The following AGPS variants were observed in gnomAD, a reference collection of about 807,000 sequenced individuals.
The protein encoded by AGPS is alkylglycerone phosphate synthase.
In AGPS, 26 loss-of-function variants were observed where a neutral mutation model predicts 90.7. That is an observed-to-expected ratio of 0.29 (90% CI 0.21 to 0.40). The LOEUF (loss-of-function observed/expected upper bound fraction) is 0.40, where lower values mean the gene tolerates loss of function less well. AGPS is among the 10% of genes least tolerant of loss of function. The pLI, the probability that AGPS is intolerant of heterozygous loss-of-function variation, is 1.00. For synonymous variants in AGPS, 294 were observed against 285.3 expected (o/e 1.03, Z -0.31); for missense variants, 540 against 816.1 (o/e 0.66, Z 4.12).
Position 177,541,982 on chromosome 2 carries a change from T to G in AGPS, c.*3787T>G, listed in dbSNP as rs1284725958. The G allele has an allele frequency of 2.0e-5, 3 of 152,296 alleles. No individual in the cohort carries two copies. The highest frequency in any genetic ancestry group is 7.2e-5 in the African/African-American group (3 of 41,566). 9.4% of individuals were successfully genotyped at this position (152,296 alleles called of 1,614,324 possible). The stretch of plus-strand genomic sequence containing the variant: ...CAGTGTGAAATTTAACTGTAAAAAC[T>G]ACTTGTAATGTCAAGAGATTATAGA... On this transcript the variant is annotated 3_prime_UTR_variant, in exon 20 of 20. Transcript: ENST00000264167.
chr2:177,470,931 C>T (rs951508085), intron 10 of AGPS, among the ~76,000 whole-genome samples: 3 of 151,924 alleles, frequency 2.0e-5, no homozygotes, highest in Non-Finnish European at 2.9e-5. Context: ...CCGGTGTCCT[C>T]AGCCATAAAA....
rs147069699 is a variant in AGPS at position 177,403,313 on chromosome 2, A to T, written c.260+10264A>T. ...CCTAGTCTAGAAGGATTGGAAGAGT[A>T]TTGTTCTATGTCAAGATGTTATGCA... On this transcript the variant is annotated intron_variant, in intron 1 of 19. Coordinates refer to ENST00000264167, the MANE Select transcript of AGPS (RefSeq NM_003659.4). 6.5e-3 allele frequency among the ~76,000 whole-genome samples: 990 copies of T among 152,332 alleles called. 9 individuals are homozygous for T. Among genetic ancestry groups the T allele is most frequent in the African/African-American group, 0.023 (949 of 41,582 alleles).
intron 10 of AGPS, among the ~76,000 whole-genome samples, chr2:177,481,759 A>C (rs1274736904): frequency 1.3e-5 from 2 of 152,054 alleles, no homozygotes; most frequent in Non-Finnish European, 2.9e-5. Flanking sequence ...TATTTTAATA[A>C]GTTGTAATAC....
At chr2:177,520,636 T>TA (rs1473041289) in intron 17 of AGPS, among the ~76,000 whole-genome samples, 15 of 152,230 alleles carry the variant, frequency 9.9e-5, no homozygotes, top group Non-Finnish European at 8.8e-5. Context: ...GTACTATTTG[T>TA]AGTATGGAAG....
chr2:177,397,750 G>A lies in AGPS; in HGVS notation c.260+4701G>A, dbSNP rs149558424. Among the ~76,000 whole-genome samples, 336 of 152,154 alleles carry A rather than the reference G, an allele frequency of 2.2e-3. 2 individuals are homozygous for A. The highest frequency in any genetic ancestry group is 3.3e-3 in the Non-Finnish European group (226 of 67,982). On this transcript the variant is annotated intron_variant, in intron 1 of 19. Coordinates refer to ENST00000264167, the MANE Select transcript of AGPS (RefSeq NM_003659.4). ...TAATAAAAAGCAGTATATTAACGTCGGGCATGGTGACTCACACCCCATAAT... is the reference window on the plus strand; with the variant it reads ...TAATAAAAAGCAGTATATTAACGTCAGGCATGGTGACTCACACCCCATAAT...
rs1027354270 is a variant in AGPS at position 177,541,095 on chromosome 2, A to G, written c.*2900A>G. The G allele has an allele frequency of 3.3e-5, 5 of 152,138 alleles. No individual in the cohort carries two copies. The highest frequency in any genetic ancestry group is 4.4e-5 in the Non-Finnish European group (3 of 68,024). 9.4% of individuals were successfully genotyped at this position (152,138 alleles called of 1,614,324 possible). ...AAAAGTGCTTACATATTGTAGTACT[A>G]TTACTTAAAAGTTATTTATGAAGTT... On this transcript the variant is annotated 3_prime_UTR_variant, in exon 20 of 20. Coordinates refer to ENST00000264167, the MANE Select transcript of AGPS (RefSeq NM_003659.4).
chr2:177,403,800 A>G (rs984453574), intron 1 of AGPS, among the ~76,000 whole-genome samples: 8 of 152,214 alleles, frequency 5.3e-5, no homozygotes, highest in Non-Finnish European at 4.4e-5. Flanking sequence ...AATAATGTGT[A>G]AAATCATTTT....
chr2:177,521,778 A>G lies in AGPS; in HGVS notation c.1797+410A>G, dbSNP rs1429695126. On this transcript the variant is annotated intron_variant, in intron 18 of 19. Coordinates refer to ENST00000264167, the MANE Select transcript of AGPS (RefSeq NM_003659.4). ...GTCATTCTAGATTTGTAATTTTTTTATATGCTATAGCTGTAAGTGGGTGCT... is the reference window on the plus strand; with the variant it reads ...GTCATTCTAGATTTGTAATTTTTTTGTATGCTATAGCTGTAAGTGGGTGCT... 2.0e-5 allele frequency among the ~76,000 whole-genome samples: 3 copies of G among 152,124 alleles called. No homozygotes were observed. In the East Asian group the frequency reaches 5.8e-4, roughly 29 times the overall value.
chr2:177,518,377 A>G (rs1360428700), intron 17 of AGPS, among the ~76,000 whole-genome samples: 1 of 152,110 alleles, frequency 6.6e-6, no homozygotes, highest in Non-Finnish European at 1.5e-5. Context: ...TGGAGGTTGC[A>G]GTGAGCCAAG....
chr2:177,510,448 G>A (rs904034726), intron 16 of AGPS, among the ~76,000 whole-genome samples: 3 of 152,114 alleles, frequency 2.0e-5, no homozygotes, highest in African/African-American at 7.2e-5. Context: ...CAAACATTCA[G>A]TCCAAATCAC....
intron 14 of AGPS, among the ~76,000 whole-genome samples, chr2:177,501,427 C>T (rs1017580471): frequency 2.6e-5 from 4 of 152,078 alleles, no homozygotes; most frequent in African/African-American, 7.2e-5. Flanking sequence ...TGTTGTGCCT[C>T]ATAATTTTTA....
At chr2:177,444,057 A>G (rs1373328961) in intron 7 of AGPS, among the ~76,000 whole-genome samples, 1 of 152,168 alleles carries the variant, frequency 6.6e-6, no homozygotes, top group East Asian at 1.9e-4. Flanking sequence ...TCATTCTGCA[A>G]TTTAATAATA....
chr2:177,517,328 T>G (rs1689047597), intron 17 of AGPS, among the ~76,000 whole-genome samples: 1 of 152,288 alleles, frequency 6.6e-6, no homozygotes, highest in Middle Eastern at 3.4e-3. Context: ...TAAGGCTATG[T>G]CACTGCATTT....
intron 8 of AGPS, among the ~76,000 whole-genome samples, chr2:177,455,077 G>A (rs559573751): frequency 9.9e-5 from 15 of 151,678 alleles, no homozygotes; most frequent in Admixed American, 3.9e-4. Context: ...TTCTTTCAGC[G>A]TGGCCCAGGG....
At chr2:177,512,671 C>T (rs1688909290) in intron 16 of AGPS, among the ~76,000 whole-genome samples, 1 of 152,122 alleles carries the variant, frequency 6.6e-6, no homozygotes, top group African/African-American at 2.4e-5. Context: ...GTTTAAAACA[C>T]AGAATCGGTG....
At chr2:177,444,643 G>C (rs1048391873) in intron 7 of AGPS, among the ~76,000 whole-genome samples, 10 of 151,094 alleles carry the variant, frequency 6.6e-5, no homozygotes, top group African/African-American at 2.4e-4. Flanking sequence ...TGTATTGTCT[G>C]TTGTGCTCTT....
At chr2:177,517,470 T>C (rs1689053034) in intron 17 of AGPS, among the ~76,000 whole-genome samples, 1 of 152,304 alleles carries the variant, frequency 6.6e-6, no homozygotes, top group East Asian at 1.9e-4. Flanking sequence ...TTTTTAATTC[T>C]CATATCTCAT....
intron 18 of AGPS, 37 bp downstream of exon 18, chr2:177,521,405 T>TA: frequency 6.8e-7 from 1 of 1,475,436 alleles, no homozygotes; most frequent in Non-Finnish European, 9.5e-7. Context: ...TTTACAGCTG[T>TA]TGATTAATTT....
At chr2:177,449,448 T>C (rs936739723) in intron 8 of AGPS, among the ~76,000 whole-genome samples, 1 of 152,182 alleles carries the variant, frequency 6.6e-6, no homozygotes, top group Non-Finnish European at 1.5e-5. Context: ...TTTGAGACAG[T>C]GTCTCATGCT....
Sources: gnomAD v4.1 joint callset for allele counts (sites outside exome capture counted in the v4.1 genomes callset) on GRCh38, gnomAD v4.1.1 for gene constraint, MANE v1.5 for transcripts, NCBI Gene and HGNC (gene_info 2026-07-23, HGNC 2026-07-21) for gene names.